ADAMTS12: variants seen among roughly 807,000 people sequenced by gnomAD.
The protein encoded by ADAMTS12 is ADAM metallopeptidase with thrombospondin type 1 motif 12, also known as A disintegrin and metalloproteinase with thrombospondin motifs 12.
In ADAMTS12, 118 loss-of-function variants were observed where a neutral mutation model predicts 167.8. The observed-to-expected ratio is 0.70, with a 90% confidence interval of 0.61 to 0.82. The LOEUF is 0.82. Ranked by LOEUF, ADAMTS12 falls within the 40% of genes least tolerant of loss-of-function variation. The pLI is 0.00. For synonymous variants in ADAMTS12, 704 were observed against 716.9 expected (o/e 0.98, Z 0.29); for missense variants, 1,916 against 1,998.8 (o/e 0.96, Z 0.79).
intron 19 of ADAMTS12, among the ~76,000 whole-genome samples, chr5:33,569,836 T>G (rs2111928230): frequency 1.3e-5 from 2 of 152,270 alleles, no homozygotes; most frequent in South Asian, 4.1e-4. Context: ...GCAAAGAAGT[T>G]GAAAACTTTG....
intron 2 of ADAMTS12, among the ~76,000 whole-genome samples, chr5:33,866,860 C>T (rs1749841839): frequency 6.6e-6 from 1 of 151,770 alleles, no homozygotes. Flanking sequence ...CACTAATTAT[C>T]AGAGAAATGA....
rs115918554 is a variant in ADAMTS12, at chr5:33,531,279, G to A, written c.4606+3554C>T. Among the ~76,000 whole-genome samples the A allele has an allele frequency of 2.5e-3, 383 of 152,322 alleles. 2 individuals are homozygous for A. The highest frequency in any genetic ancestry group is 8.9e-3 in the African/African-American group (369 of 41,576). The stretch of plus-strand genomic sequence containing the variant: ...TGAGAATAGATTTCTGTTGTCTTTA[G>A]TCACCTAGTTTATTATAATTTGTTA... On this transcript the variant is annotated intron_variant, in intron 23 of 23. Transcript: ENST00000504830.
intron 16 of ADAMTS12, among the ~76,000 whole-genome samples, chr5:33,604,218 T>C (rs772894655): frequency 2.0e-5 from 3 of 152,146 alleles, no homozygotes; most frequent in Non-Finnish European, 4.4e-5. Context: ...AAACTAGGAA[T>C]AGAAGAAAAT....
intron 3 of ADAMTS12, among the ~76,000 whole-genome samples, chr5:33,734,559 A>G (rs1191853286): frequency 2.6e-5 from 4 of 152,248 alleles, no homozygotes. Context: ...TGTGCTAAAC[A>G]TAATATAGCT....
At chr5:33,646,869 G>T (rs1740685800) in intron 9 of ADAMTS12, among the ~76,000 whole-genome samples, 1 of 151,828 alleles carries the variant, frequency 6.6e-6, no homozygotes, top group African/African-American at 2.4e-5. Context: ...TTAAAATTAG[G>T]AAAGAAATAC....
At chr5:33,866,256 TGGAA>T (rs1749817328) in intron 2 of ADAMTS12, among the ~76,000 whole-genome samples, 1 of 152,092 alleles carries the variant, frequency 6.6e-6, no homozygotes, top group African/African-American at 2.4e-5. Context: ...CATAGGCCAA[TGGAA>T]CTGAATAGAG....
chr5:33,770,329 C>T (rs1745690949), intron 2 of ADAMTS12, among the ~76,000 whole-genome samples: 2 of 152,094 alleles, frequency 1.3e-5, no homozygotes, highest in Admixed American at 6.5e-5. Flanking sequence ...TACTGGGAAA[C>T]ATTGGGGAAA....
At chr5:33,695,752 G>A (rs139251628) in intron 3 of ADAMTS12, among the ~76,000 whole-genome samples, 38 of 152,336 alleles carry the variant, frequency 2.5e-4, no homozygotes, top group African/African-American at 9.1e-4. Context: ...TTGGTTTGGG[G>A]AGATGGGAAA....
At chr5:33,549,410 A>C in intron 20 of ADAMTS12, 27 bp from the exon 21 acceptor site, 2 of 1,595,146 alleles carry the variant, frequency 1.3e-6, no homozygotes, top group Non-Finnish European at 1.7e-6. Flanking sequence ...ATCAAAGGCG[A>C]TCTCTGAGTC....
chr5:33,584,666 C>T (rs1425593470), intron 18 of ADAMTS12, among the ~76,000 whole-genome samples: 2 of 152,186 alleles, frequency 1.3e-5, no homozygotes, highest in African/African-American at 4.8e-5. Context: ...TTATCTTATT[C>T]AATTCTTACA....
chr5:33,888,726 A>C (rs1184238391), intron 1 of ADAMTS12, among the ~76,000 whole-genome samples: 2 of 152,206 alleles, frequency 1.3e-5, no homozygotes, highest in African/African-American at 4.8e-5. Flanking sequence ...ATAGGGGTAA[A>C]CAAACCTAAG....
At chr5:33,668,696 C>G (rs1741563447) in intron 5 of ADAMTS12, among the ~76,000 whole-genome samples, 2 of 152,172 alleles carry the variant, frequency 1.3e-5, no homozygotes, top group Admixed American at 1.3e-4. Flanking sequence ...GTTGGCCAGG[C>G]TGATCTCAAA....
intron 19 of ADAMTS12, among the ~76,000 whole-genome samples, chr5:33,575,757 A>C (rs568440615): frequency 7.2e-5 from 11 of 152,216 alleles, no homozygotes; most frequent in Admixed American, 6.5e-5. Context: ...GATATACACA[A>C]CATCCTTCAG....
chr5:33,636,754 TC>T (rs1282490528), intron 12 of ADAMTS12, among the ~76,000 whole-genome samples: 1 of 152,146 alleles, frequency 6.6e-6, no homozygotes, highest in Non-Finnish European at 1.5e-5. Flanking sequence ...CACAGGAAAA[TC>T]TTTTCTGTTT....
Position 33,666,199 on chromosome 5 carries a change from C to A in ADAMTS12, c.916-4159G>T, listed in dbSNP as rs142596852. ...TCTTTAAGATGCCAAGAACTGGACACCCTCCACCGTTAACATACACAGTCC... is the reference window on the plus strand; with the variant it reads ...TCTTTAAGATGCCAAGAACTGGACAACCTCCACCGTTAACATACACAGTCC... On this transcript the variant is annotated intron_variant, in intron 5 of 23. Transcript: ENST00000504830. Among the ~76,000 whole-genome samples the A allele has an allele frequency of 4.6e-5, 7 of 152,332 alleles. No individual in the cohort carries two copies. The East Asian group carries it at 1.4e-3, about 29-fold the overall frequency.
intron 2 of ADAMTS12, among the ~76,000 whole-genome samples, chr5:33,818,518 T>G (rs1318023635): frequency 6.6e-6 from 1 of 152,178 alleles, no homozygotes; most frequent in African/African-American, 2.4e-5. Flanking sequence ...TTGGCTATTG[T>G]GAGTAATGCT....
At chr5:33,730,089 C>T (rs910122082) in intron 3 of ADAMTS12, among the ~76,000 whole-genome samples, 1 of 152,206 alleles carries the variant, frequency 6.6e-6, no homozygotes, top group African/African-American at 2.4e-5. Context: ...TTGACGAAGT[C>T]CTTCACTACC....
chr5:33,793,806 C>T (rs1746667400), intron 2 of ADAMTS12, among the ~76,000 whole-genome samples: 1 of 152,080 alleles, frequency 6.6e-6, no homozygotes, highest in South Asian at 2.1e-4. Flanking sequence ...AGGCGAAGGG[C>T]GAGATGGGCT....
At chr5:33,888,740 A>G (rs1218444407) in intron 1 of ADAMTS12, among the ~76,000 whole-genome samples, 1 of 152,190 alleles carries the variant, frequency 6.6e-6, no homozygotes, top group African/African-American at 2.4e-5. Context: ...ACCTAAGGGG[A>G]TATGATTGGC....
Sources: allele counts gnomAD v4.1 joint callset (sites outside exome capture counted in the v4.1 genomes callset), GRCh38; gene constraint gnomAD v4.1.1; transcripts MANE v1.5; gene names NCBI Gene and HGNC (gene_info 2026-07-23, HGNC 2026-07-21).